GPC3: variants seen among roughly 807,000 people sequenced by gnomAD.
GPC3 encodes the protein glypican 3.
GPC3 carries 3 observed loss-of-function variants against 34.4 expected under a neutral mutation model. The observed-to-expected ratio is 0.09, with a 90% CI of 0.04 to 0.23. The LOEUF is 0.23. Among genes scored for constraint, GPC3 ranks in the 10% least tolerant of loss-of-function variants. The pLI is 1.00. For missense variants in GPC3, 351 were observed against 445.6 expected (o/e 0.79, Z 1.91); for synonymous variants, 177 against 174.0 (o/e 1.02, Z -0.13).
chrX:133,834,715 A>G (rs1207143063), intron 2 of GPC3, among the ~76,000 whole-genome samples: 1 of 112,312 alleles, frequency 8.9e-6, no homozygotes, highest in Admixed American at 9.5e-5. Context: ...AAACTGAATT[A>G]TGATTTAATA....
intron 2 of GPC3, among the ~76,000 whole-genome samples, chrX:133,793,950 C>T (rs753057780): frequency 3.2e-4 from 36 of 111,398 alleles, no homozygotes; most frequent in African/African-American, 1.1e-3. Context: ...CTGATAGTGC[C>T]GGCAAATGTA....
chrX:133,592,666 A>C (rs1289619532), intron 7 of GPC3, among the ~76,000 whole-genome samples: 2 of 111,435 alleles, frequency 1.8e-5, no homozygotes, highest in Non-Finnish European at 3.8e-5. Context: ...TAATGAATTC[A>C]GAGGACAGAG....
intron 7 of GPC3, 143 bp from the exon 8 acceptor site, chrX:133,536,436 T>A: frequency 3.4e-6 from 1 of 292,851 alleles, no homozygotes; most frequent in Non-Finnish European, 6.0e-6. Context: ...AAGGCCACTG[T>A]GAGATGGGAA....
At chrX:133,883,665 T>C (rs1368899078) in intron 2 of GPC3, among the ~76,000 whole-genome samples, 1 of 111,559 alleles carries the variant, frequency 9.0e-6, no homozygotes, top group Non-Finnish European at 1.9e-5. Context: ...TGTTCTAGAA[T>C]CTAGACACTC....
intron 2 of GPC3, among the ~76,000 whole-genome samples, chrX:133,767,810 C>T (rs1345626847): frequency 9.0e-6 from 1 of 111,014 alleles, no homozygotes; most frequent in Admixed American, 9.6e-5. Flanking sequence ...ATGCAGCTTT[C>T]CCCTGAGCCT....
At chrX:133,647,439 T>C (rs1256195390) in intron 6 of GPC3, among the ~76,000 whole-genome samples, 1 of 112,257 alleles carries the variant, frequency 8.9e-6, no homozygotes, top group Admixed American at 9.4e-5. Context: ...CTTGGTGAAA[T>C]GTCAGGTCAG....
At chrX:133,629,179 T>C (rs1474514676) in intron 6 of GPC3, among the ~76,000 whole-genome samples, 1 of 111,838 alleles carries the variant, frequency 8.9e-6, no homozygotes, top group Non-Finnish European at 1.9e-5. Context: ...GTCATAGATA[T>C]ATTGGGCCTC....
chrX:133,558,743 T>C (rs1405361055), intron 7 of GPC3, among the ~76,000 whole-genome samples: 1 of 108,343 alleles, frequency 9.2e-6, no homozygotes, highest in African/African-American at 3.4e-5. Context: ...ATACAAAAAT[T>C]AGCCCGGCAT....
chrX:133,762,664 A>C (rs2071806285), intron 2 of GPC3: 2 of 300,608 alleles, frequency 6.7e-6, no homozygotes, highest in Non-Finnish European at 1.2e-5. Context: ...CTTCGATGAG[A>C]TACCATCTCA....
At chrX:133,776,819 A>G (rs1331449154) in intron 2 of GPC3, among the ~76,000 whole-genome samples, 3 of 110,332 alleles carry the variant, frequency 2.7e-5, no homozygotes, top group Non-Finnish European at 5.7e-5. Context: ...TCATTCTCTT[A>G]CAGCAATGAG....
intron 1 of GPC3, among the ~76,000 whole-genome samples, chrX:133,961,136 G>A (rs989967037): frequency 1.8e-5 from 2 of 111,620 alleles, no homozygotes; most frequent in African/African-American, 6.5e-5. Context: ...GATTGCTGGC[G>A]AAAGAAATCA....
chrX:133,611,673 C>T (rs750092126), intron 6 of GPC3, among the ~76,000 whole-genome samples: 6 of 111,975 alleles, frequency 5.4e-5, no homozygotes, highest in Non-Finnish European at 1.1e-4. Flanking sequence ...AAATGGTAAA[C>T]TCCTAAATTA....
intron 2 of GPC3, among the ~76,000 whole-genome samples, chrX:133,835,596 A>G (rs958782516): frequency 3.6e-5 from 4 of 111,795 alleles, no homozygotes; most frequent in African/African-American, 1.3e-4. Flanking sequence ...CTGGCTCTCT[A>G]CTTCCTTCAG....
chrX:133,670,942 C>T (rs1349704083), intron 5 of GPC3: 1 of 424,539 alleles, frequency 2.4e-6, no homozygotes, highest in Non-Finnish European at 4.1e-6. Flanking sequence ...TCTTTCTCCT[C>T]CCTGGCTGTC....
At chrX:133,966,347 AT>A (rs2076463344) in intron 1 of GPC3, among the ~76,000 whole-genome samples, 1 of 112,548 alleles carries the variant, frequency 8.9e-6, no homozygotes, top group Admixed American at 9.4e-5. Flanking sequence ...ACAACTCTGA[AT>A]TTGATATGAG....
intron 3 of GPC3, among the ~76,000 whole-genome samples, chrX:133,736,676 T>C (rs761975936): frequency 1.8e-5 from 2 of 111,923 alleles, no homozygotes; most frequent in Non-Finnish European, 3.8e-5. Context: ...GACTAATCTA[T>C]AGAGACAGAT....
At chrX:133,905,343 C>T (rs2076163429) in intron 2 of GPC3, among the ~76,000 whole-genome samples, 2 of 112,431 alleles carry the variant, frequency 1.8e-5, no homozygotes, top group Admixed American at 1.9e-4. Flanking sequence ...GACCTACTGG[C>T]TATTCCCCAC....
intron 7 of GPC3, among the ~76,000 whole-genome samples, chrX:133,555,869 G>A (rs1201717414): frequency 9.1e-6 from 1 of 109,974 alleles, no homozygotes; most frequent in Non-Finnish European, 1.9e-5. Flanking sequence ...AATGATGAAT[G>A]CAGCAATGCA....
In GPC3 at chrX:133,739,058, T is replaced by C. The variant is rs138816205; in HGVS notation, c.1032+14424A>G. ...GTCATTACTGTCTTAGTGTGCCTAA[T>C]TTATAATAAGCTTTATCACAGGTAG... is the stretch of plus-strand genomic sequence containing the variant. On this transcript the variant is annotated intron_variant, in intron 3 of 7. Transcript: ENST00000370818. Among the ~76,000 whole-genome samples the C allele has an allele frequency of 4.5e-5, 5 of 111,689 alleles. No individual in the cohort carries two copies. The East Asian group carries it at 1.4e-3, about 31-fold the overall frequency.
Sources: gnomAD v4.1 joint callset for allele counts (sites outside exome capture counted in the v4.1 genomes callset) on GRCh38, gnomAD v4.1.1 for gene constraint, MANE v1.5 for transcripts, NCBI Gene and HGNC (gene_info 2026-07-23, HGNC 2026-07-21) for gene names.